Variants in C10orf90 observed in about 807,000 individuals in gnomAD.
C10orf90 encodes the protein (E2-independent) E3 ubiquitin-conjugating enzyme FATS.
A neutral mutation model predicts 62.5 loss-of-function variants in C10orf90; 56 were observed. The observed-to-expected ratio is 0.90, with a 90% confidence interval of 0.72 to 1.12. The LOEUF is 1.12. Among genes scored for constraint, C10orf90 ranks in the 50% most tolerant of loss-of-function variants. The pLI is 0.00. For missense variants in C10orf90, 970 were observed against 880.4 expected, an observed-to-expected ratio of 1.10 and a Z score of -1.29; for synonymous variants, 386 against 340.4, an observed-to-expected ratio of 1.13 and a Z score of -1.47.
At chr10:126,565,778 T>C (rs1353865942) in intron 2 of C10orf90, among the ~76,000 whole-genome samples, 1 of 152,060 alleles carries the variant, frequency 6.6e-6, no homozygotes, top group Non-Finnish European at 1.5e-5. Flanking sequence ...GTGGCCACAT[T>C]CCTCTCTCAA....
At position 126,603,532 on chromosome 10, in the gene C10orf90, G is replaced by A. The variant is rs7915094; in HGVS notation, c.313+43033C>T. On this transcript the variant is annotated intron_variant, in intron 2 of 9. Coordinates refer to ENST00000488181, the MANE Select transcript of C10orf90 (RefSeq NM_001350921.2). The stretch of plus-strand genomic sequence containing the variant: ...ATCATGCATGTCATCCGATGTTGTG[G>A]ATAAAACAATATACCTGAGTTTCAC... Among the ~76,000 whole-genome samples the A allele has an allele frequency of 1.6e-3, 242 of 152,260 alleles. 1 individual carries two copies. Among genetic ancestry groups the A allele is most frequent in the African/African-American group, 5.6e-3 (233 of 41,552 alleles).
At chr10:126,496,695 C>A (rs2133857278) in intron 4 of C10orf90, 1 of 985,416 alleles carries the variant, frequency 1.0e-6, no homozygotes, top group African/African-American at 1.7e-5. Context: ...CTCACCCTTT[C>A]CTTGCCAGAG....
chr10:126,589,156 G>T (rs1288674626), intron 2 of C10orf90, among the ~76,000 whole-genome samples: 3 of 152,064 alleles, frequency 2.0e-5, no homozygotes, highest in Non-Finnish European at 2.9e-5. Flanking sequence ...CAAGAATAGA[G>T]AAAAAATAAT....
intron 2 of C10orf90, among the ~76,000 whole-genome samples, chr10:126,614,807 G>A (rs1845507680): frequency 6.6e-6 from 1 of 152,186 alleles, no homozygotes; most frequent in South Asian, 2.1e-4. Flanking sequence ...TACATATTTG[G>A]ATAACATGGG....
chr10:126,505,622 G>A (rs1224925849), intron 3 of C10orf90, among the ~76,000 whole-genome samples: 1 of 152,156 alleles, frequency 6.6e-6, no homozygotes, highest in Non-Finnish European at 1.5e-5. Context: ...CTGCTGCTTG[G>A]CATCATGGAA....
chr10:126,508,358 G>A (rs1295545819), intron 3 of C10orf90, among the ~76,000 whole-genome samples: 31 of 98,284 alleles, frequency 3.2e-4, no homozygotes, highest in African/African-American at 1.3e-3. Context: ...GAAAGATGCC[G>A]GCCTAGGACT....
At chr10:126,546,340 C>A (rs556931795) in intron 2 of C10orf90, among the ~76,000 whole-genome samples, 6 of 152,216 alleles carry the variant, frequency 3.9e-5, no homozygotes, top group Admixed American at 1.3e-4. Flanking sequence ...CCAGGCTGAG[C>A]GGGAGCCAGA....
At chr10:126,661,412 G>C (rs981594679) in intron 1 of C10orf90, among the ~76,000 whole-genome samples, 1 of 152,186 alleles carries the variant, frequency 6.6e-6, no homozygotes, top group African/African-American at 2.4e-5. Context: ...GGCTCAAAGA[G>C]AACAAGAAAA....
intron 2 of C10orf90, among the ~76,000 whole-genome samples, chr10:126,531,392 G>A (rs1864092803): frequency 6.6e-6 from 1 of 152,058 alleles, no homozygotes; most frequent in Non-Finnish European, 1.5e-5. Context: ...AGGATGCACG[G>A]GACAGCCCCA....
chr10:126,523,713 C>A lies in C10orf90; in HGVS notation c.314-9774G>T, dbSNP rs1345692709. ...ACCTGCAAAACAGAAACTCTCTCCC[C>A]ATTAAACACTAACTCCCCCTTCCCA... On this transcript the variant is annotated intron_variant, in intron 2 of 9. Coordinates refer to ENST00000488181, the MANE Select transcript of C10orf90 (RefSeq NM_001350921.2). 4 of 152,180 alleles carry A rather than the reference C, an allele frequency of 2.6e-5. 1 individual carries two copies. The allele number at this position is 152,180 out of a possible 1,614,324, so 9.4% of individuals were successfully genotyped here.
chr10:126,635,270 G>A (rs1036667834), intron 2 of C10orf90, among the ~76,000 whole-genome samples: 3 of 152,114 alleles, frequency 2.0e-5, no homozygotes, highest in Admixed American at 6.6e-5. Context: ...TCTAAAGCAC[G>A]GTCCTATTAC....
chr10:126,496,799 T>C lies in C10orf90; in HGVS notation c.1534+7158A>G, dbSNP rs915226346. The C allele has an allele frequency of 1.4e-5, 11 of 796,802 alleles. No individual in the cohort carries two copies. In the African/African-American group the frequency reaches 1.7e-4, roughly 12 times the overall value. 49.4% of individuals were successfully genotyped at this position (796,802 alleles called of 1,614,324 possible). ...TGACATAAGCATGGGCTTTGTTGGG[T>C]CATCAACGTAACCTGTCCTCCACCC... On this transcript the variant is annotated intron_variant, in intron 4 of 9. Coordinates refer to ENST00000488181, the MANE Select transcript of C10orf90 (RefSeq NM_001350921.2).
rs539575401 is a variant in C10orf90, at chr10:126,493,644, C to A, written c.1534+10313G>T. 2.6e-5 allele frequency among the ~76,000 whole-genome samples: 4 copies of A among 152,212 alleles called. No homozygotes were observed. In the South Asian group the frequency reaches 8.3e-4, roughly 32 times the overall value. ...GTGCTGGGATTACAGGAGTGAGCAG[C>A]CAAGCCTGGCTGTGTTTTGCTTTTT... On this transcript the variant is annotated intron_variant, in intron 4 of 9. Coordinates refer to ENST00000488181, the MANE Select transcript of C10orf90 (RefSeq NM_001350921.2).
chr10:126,480,715 G>A (rs1463177045), intron 4 of C10orf90, among the ~76,000 whole-genome samples: 1 of 152,138 alleles, frequency 6.6e-6, no homozygotes, highest in East Asian at 1.9e-4. Context: ...GTCAACCCCT[G>A]CTTCCCTATG....
Position 126,641,460 on chromosome 10 carries a change from C to T in C10orf90, c.313+5105G>A, listed in dbSNP as rs1003688554. Among the ~76,000 whole-genome samples the T allele has an allele frequency of 1.6e-4, 25 of 152,012 alleles. 1 individual carries two copies. The highest frequency in any genetic ancestry group is 4.4e-5 in the Non-Finnish European group (3 of 68,010). On this transcript the variant is annotated intron_variant, in intron 2 of 9. Transcript: ENST00000488181. Reference sequence around the variant, plus strand: ...TAAATCGATCAGAAGGGAGAAAATTCCACGCCCCCCGCCATCCGCCCGCTC... The same window carrying T: ...TAAATCGATCAGAAGGGAGAAAATTTCACGCCCCCCGCCATCCGCCCGCTC...
At chr10:126,632,965 TA>T (rs1287576662) in intron 2 of C10orf90, among the ~76,000 whole-genome samples, 7 of 152,154 alleles carry the variant, frequency 4.6e-5, no homozygotes, top group Non-Finnish European at 8.8e-5. Flanking sequence ...TGTTGTTCCA[TA>T]AGCCACTGAG....
chr10:126,527,967 T>C (rs1349367560), intron 2 of C10orf90, among the ~76,000 whole-genome samples: 1 of 152,216 alleles, frequency 6.6e-6, no homozygotes, highest in Non-Finnish European at 1.5e-5. Context: ...CTAGTTACTA[T>C]TATAATTTAA....
intron 8 of C10orf90, 80 bp downstream of exon 8, chr10:126,429,707 C>T (rs1004385548): frequency 8.9e-7 from 1 of 1,124,866 alleles, no homozygotes; most frequent in Non-Finnish European, 1.3e-6. Flanking sequence ...AGCAGTGGTC[C>T]CATTGGAGGG....
intron 2 of C10orf90, among the ~76,000 whole-genome samples, chr10:126,610,927 C>T (rs1450068928): frequency 6.6e-6 from 1 of 152,094 alleles, no homozygotes; most frequent in Admixed American, 6.6e-5. Flanking sequence ...TCTCTATATT[C>T]TATTTTTCTT....
Sources: gnomAD v4.1 joint callset for allele counts (sites outside exome capture counted in the v4.1 genomes callset) on GRCh38, gnomAD v4.1.1 for gene constraint, MANE v1.5 for transcripts, NCBI Gene and HGNC (gene_info 2026-07-23, HGNC 2026-07-21) for gene names.